Variants in KNDC1 observed in about 807,000 individuals in gnomAD.
The protein encoded by KNDC1 is kinase non-catalytic C-lobe domain-containing protein 1.
A neutral mutation model predicts 172.8 loss-of-function variants in KNDC1; 106 were observed. The ratio of observed to expected loss-of-function variants is 0.61; its 90% CI spans 0.52 to 0.72. The LOEUF (loss-of-function observed/expected upper bound fraction) is 0.72. Ranked by LOEUF, KNDC1 falls within the 30% of genes least tolerant of loss-of-function variation. The probability of loss-of-function intolerance (pLI) is 0.00; values close to 1 mark genes in which losing one functional copy is unlikely to be tolerated. For synonymous variants in KNDC1, 1,083 were observed against 1,062.2 expected (o/e 1.02, Z -0.38); for missense variants, 2,325 against 2,394.5 (o/e 0.97, Z 0.61).
chr10:133,165,148 C>T (rs1853107400), intron 1 of KNDC1, among the ~76,000 whole-genome samples: 1 of 152,212 alleles, frequency 6.6e-6, no homozygotes, highest in Non-Finnish European at 1.5e-5. Context: ...TGAGACCATC[C>T]TATCCCTGAG....
At chr10:133,206,974 G>C (rs376056528) in intron 19 of KNDC1, 21 bp downstream of exon 19, 4 of 1,605,156 alleles carry the variant, frequency 2.5e-6, no homozygotes, top group Non-Finnish European at 3.4e-6. Flanking sequence ...TCCGGGCCCC[G>C]CTCTGCCCCG....
rs1292379320 is a variant in KNDC1, at chr10:133,195,621, C to T, written c.1576-42C>T. 8.8e-6 allele frequency: 13 copies of T among 1,484,852 alleles called. No individual in the cohort carries two copies. The East Asian group carries it at 2.6e-4, about 30-fold the overall frequency. 92.0% of individuals were successfully genotyped at this position (1,484,852 alleles called of 1,614,324 possible). A position where few individuals can be genotyped will look rare whatever the true frequency, so the allele number is the denominator to read the frequency against. ...GGCAGGTCTGCTGGGCACAGCAGCC[C>T]ACAGCCCTGCGGTAGACACTATTCT... On this transcript the variant is annotated intron_variant, in intron 9 of 29. Transcript: ENST00000304613.
intron 19 of KNDC1, 76 bp from the exon 20 acceptor site, chr10:133,207,061 T>C: frequency 6.5e-7 from 1 of 1,528,930 alleles, no homozygotes; most frequent in Non-Finnish European, 8.9e-7. Flanking sequence ...AAAGGGGCCC[T>C]GATTTGAGGG....
intron 20 of KNDC1, among the ~76,000 whole-genome samples, chr10:133,208,887 AGTGTGTGAT>A (rs1205712891): frequency 6.6e-6 from 1 of 151,252 alleles, no homozygotes; most frequent in African/African-American, 2.4e-5. Flanking sequence ...GCTTGTATGG[AGTGTGTGAT>A]GTGTGTGGTG....
intron 17 of KNDC1, among the ~76,000 whole-genome samples, chr10:133,202,905 G>A (rs1854413927): frequency 2.0e-5 from 3 of 152,204 alleles, no homozygotes; most frequent in Admixed American, 2.0e-4. Flanking sequence ...CCCGGGGCTG[G>A]GGAGAGAAAA....
At position 133,160,485 on chromosome 10, in the gene KNDC1, G is replaced by A; in HGVS notation, c.18G>A (p.Pro6=). ...GCCGCAGGATGCAGGCCATGGACCCGGCCGCGGCGGATCTTTACGAGGAGG... is the reference window on the plus strand; with the variant it reads ...GCCGCAGGATGCAGGCCATGGACCCAGCCGCGGCGGATCTTTACGAGGAGG... The part of the protein sequence containing the change: MQAMD[P]AAADLYEEDG... Residue 6 remains proline (P), a synonymous_variant, in exon 1 of 30, where the codon CCG becomes CCA. Transcript: ENST00000304613. 1.3e-6 allele frequency: 2 copies of A among 1,583,742 alleles called. No homozygotes were observed. Among genetic ancestry groups the A allele is most frequent in the South Asian group, 2.3e-5 (2 of 87,228 alleles).
At chr10:133,161,859 C>T (rs1168132143) in intron 1 of KNDC1, among the ~76,000 whole-genome samples, 5 of 152,196 alleles carry the variant, frequency 3.3e-5, no homozygotes, top group Non-Finnish European at 7.4e-5. Context: ...GAGGCCTGAG[C>T]CTTGAGGGCC....
chr10:133,195,631 C>T (rs202120582), intron 9 of KNDC1, 32 bp from the exon 10 acceptor site: 22 of 1,512,304 alleles, frequency 1.5e-5, no homozygotes, highest in African/African-American at 2.8e-5. Flanking sequence ...CACAGCCCTG[C>T]GGTAGACACT....
chr10:133,181,274 G>C (rs1247363380), intron 3 of KNDC1, among the ~76,000 whole-genome samples: 1 of 152,246 alleles, frequency 6.6e-6, no homozygotes, highest in Non-Finnish European at 1.5e-5. Context: ...CGGACCCTGT[G>C]TGCCCAAACA....
In KNDC1 at chr10:133,198,925, T is replaced by A. The variant is rs3008390; in HGVS notation, c.2417T>A (p.Val806Asp). Residue 806 changes from valine (V) to aspartate (D), a missense_variant, in exon 14 of 30, where the codon GTT (valine) becomes GAT (aspartate). Coordinates refer to ENST00000304613, the MANE Select transcript of KNDC1 (RefSeq NM_152643.8). ...CCGGCTGAGCCGATCCCACCTGGAG[T>A]TGCTTCCGGGGGCCTCAGGCCCGAC... ...QGPAEPIPPG[V>D]ASGGLRPDAL... 712,363 of 1,566,738 alleles carry A rather than the reference T, an allele frequency of 0.45. 166,302 individuals are homozygous for A. Among genetic ancestry groups the A allele is most frequent in the East Asian group, 0.57 (24,396 of 42,642 alleles).
chr10:133,202,575 G>A (rs1246056614), intron 17 of KNDC1: 5 of 456,118 alleles, frequency 1.1e-5, no homozygotes, highest in African/African-American at 1.0e-4. Flanking sequence ...TCAGCTCCGG[G>A]AACCTCTCCT....
intron 3 of KNDC1, among the ~76,000 whole-genome samples, chr10:133,169,663 A>G (rs546921605): frequency 6.6e-6 from 1 of 152,086 alleles, no homozygotes; most frequent in Non-Finnish European, 1.5e-5. Context: ...GTGACGCGGC[A>G]CGTGGCCTGG....
chr10:133,189,571 C>G (rs1454618912), intron 7 of KNDC1, 27 bp from the exon 8 acceptor site: 6 of 1,608,754 alleles, frequency 3.7e-6, no homozygotes, highest in Non-Finnish European at 5.1e-6. Context: ...AGCATGCATA[C>G]CCGCCCTGAC....
rs529414403 is a variant in KNDC1, at chr10:133,224,434, G to C, written c.5019-225G>C. Among the ~76,000 whole-genome samples, 1 of 152,290 alleles carries C rather than the reference G, an allele frequency of 6.6e-6. No individual in the cohort carries two copies. The highest frequency in any genetic ancestry group is 1.5e-5 in the Non-Finnish European group (1 of 68,026). ...GCCTGAGCCTGCAGGGTTTCCATAA[G>C]CGTGTGTGGACTGAAATGTGGATGG... On this transcript the variant is annotated intron_variant, in intron 29 of 29. Coordinates refer to ENST00000304613, the MANE Select transcript of KNDC1 (RefSeq NM_152643.8). This position sits in a 1 kb window ranked among gnomAD's most constrained non-coding sequence, Gnocchi z 5.4.
chr10:133,182,184 G>A (rs1853737937), intron 3 of KNDC1, among the ~76,000 whole-genome samples: 1 of 152,178 alleles, frequency 6.6e-6, no homozygotes, highest in East Asian at 1.9e-4. Flanking sequence ...GTGAAGACTG[G>A]ATGCTCCGCT....
At chr10:133,198,094 T>C (rs1408277996) in intron 12 of KNDC1, among the ~76,000 whole-genome samples, 2 of 151,780 alleles carry the variant, frequency 1.3e-5, no homozygotes, top group South Asian at 2.1e-4. Flanking sequence ...AGCAGGCCCC[T>C]CCAAGGCTTC....
chr10:133,189,890 G>A, intron 9 of KNDC1, 77 bp downstream of exon 9: 1 of 1,228,080 alleles, frequency 8.1e-7, no homozygotes, highest in Admixed American at 1.9e-5. Context: ...CTGTCCAGCA[G>A]CCCCCCATCA....
At chr10:133,184,104 C>G (rs913552528) in intron 5 of KNDC1, 115 bp downstream of exon 5, 1 of 576,280 alleles carries the variant, frequency 1.7e-6, no homozygotes, top group South Asian at 2.5e-5. Context: ...TGCACACACA[C>G]CCATACTGCA....
Position 133,198,819 on chromosome 10 carries a change from G to C in KNDC1, c.2311G>C (p.Glu771Gln). The change falls in exon 14 of 30, where the codon GAG becomes CAG. Residue 771 changes from glutamate (E) to glutamine (Q), a missense_variant. Coordinates refer to ENST00000304613, the MANE Select transcript of KNDC1 (RefSeq NM_152643.8). ...ACCCCAGGCCCCAGCAAACCAGCCAGAGGGGGCCTCATCGGCAGCTCCCGG... is the reference window on the plus strand; with the variant it reads ...ACCCCAGGCCCCAGCAAACCAGCCACAGGGGGCCTCATCGGCAGCTCCCGG... ...PPPQAPANQPEGASSAAPGSP... is the reference protein window; with the variant it reads ...PPPQAPANQPQGASSAAPGSP... 4 of 1,600,110 alleles carry C rather than the reference G, an allele frequency of 2.5e-6. No individual in the cohort carries two copies. Among genetic ancestry groups the C allele is most frequent in the Non-Finnish European group, 3.4e-6 (4 of 1,174,458 alleles).
Sources: allele counts gnomAD v4.1 joint callset (sites outside exome capture counted in the v4.1 genomes callset), GRCh38; gene constraint gnomAD v4.1.1; non-coding constraint Gnocchi (gnomAD v3.1); transcripts MANE v1.5; gene names NCBI Gene and HGNC (gene_info 2026-07-23, HGNC 2026-07-21).